MEIOC: variants seen among roughly 807,000 people sequenced by gnomAD.
MEIOC encodes meiosis specific with coiled-coil domain, also known as meiosis-specific coiled-coil domain-containing protein MEIOC.
In MEIOC, 9 loss-of-function variants were observed where a neutral mutation model predicts 85.3. The observed-to-expected ratio is 0.11, with a 90% CI of 0.06 to 0.18. The LOEUF is 0.18. Ranked by LOEUF, MEIOC falls within the 10% of genes least tolerant of loss-of-function variation. The pLI, the probability that MEIOC is intolerant of heterozygous loss-of-function variation, is 1.00. For missense variants in MEIOC, 898 were observed against 1,129.4 expected, an observed-to-expected ratio of 0.80 and a Z score of 2.94; for synonymous variants, 365 against 393.7, an observed-to-expected ratio of 0.93 and a Z score of 0.86.
rs1190093652 is a variant in MEIOC, at chr17:44,673,497, T to C, written c.2589T>C (p.Asn863=). The C allele has an allele frequency of 1.6e-5, 25 of 1,551,148 alleles. No homozygotes were observed. Among genetic ancestry groups the C allele is most frequent in the Non-Finnish European group, 8.7e-7 (1 of 1,146,944 alleles). The change falls in exon 7 of 8, where the codon AAT becomes AAC. Residue 863 remains asparagine, a synonymous_variant. Coordinates refer to ENST00000409122, the MANE Select transcript of MEIOC (RefSeq NM_001145080.3). The stretch of plus-strand genomic sequence containing the variant: ...CACGTAGAAAGGATGAAATTGTTAA[T>C]GCTTCCAATCGGCAAAGGCAAGGAG... ...VQSRRKDEIV[N]ASNRQRQGVP...
At chr17:44,673,747 T>G (rs1052232022) in intron 7 of MEIOC, 10 of 711,368 alleles carry the variant, frequency 1.4e-5, no homozygotes, top group Admixed American at 3.0e-5. Context: ...TTCAAGACAG[T>G]CTGTGTTCTA....
chr17:44,666,695 G>A lies in MEIOC; in HGVS notation c.784G>A (p.Glu262Lys). The A allele has an allele frequency of 6.2e-7, 1 of 1,612,608 alleles. No individual in the cohort carries two copies. The highest frequency in any genetic ancestry group is 8.5e-7 in the Non-Finnish European group (1 of 1,179,272). Residue 262 changes from glutamate (E) to lysine (K), a missense_variant, in exon 5 of 8, where the codon GAA becomes AAA. Transcript: ENST00000409122. ...TNDTAKTTFQ[E>K]YPLIKNCFTP... ...TGATACAGCTAAGACAACATTCCAA[G>A]AATATCCACTTATCAAAAACTGTTT...
intron 6 of MEIOC, chr17:44,669,906 G>T: frequency 6.1e-6 from 1 of 165,212 alleles, no homozygotes; most frequent in Non-Finnish European, 1.3e-5. Flanking sequence ...AGCTTTGAAG[G>T]GTTTTTAAAT....
At position 44,674,554 on chromosome 17, in the gene MEIOC, TTAAGTA is replaced by T. The variant is rs1471543285; in HGVS notation, c.*362_*367del. The T allele has an allele frequency of 1.1e-5, 11 of 1,013,274 alleles. No homozygotes were observed. The highest frequency in any genetic ancestry group is 1.1e-5 in the Non-Finnish European group (9 of 846,076). The allele number at this position is 1,013,274 out of a possible 1,614,324, so 62.8% of individuals were successfully genotyped here. On this transcript the variant is annotated 3_prime_UTR_variant, in exon 8 of 8. Coordinates refer to ENST00000409122, the MANE Select transcript of MEIOC (RefSeq NM_001145080.3). The stretch of plus-strand genomic sequence containing the variant: ...TAAATTTCATTTAGGTTTGTCTTAG[TTAAGTA>T]TAATTCCAAATAATGAATCTAAGTG...
rs372918454 is a variant in MEIOC, at chr17:44,668,163, C to T, written c.2252C>T (p.Ala751Val). 3 of 1,613,874 alleles carry T rather than the reference C, an allele frequency of 1.9e-6. No homozygotes were observed. The highest frequency in any genetic ancestry group is 1.6e-4 in the Middle Eastern group (1 of 6,062). ...QRPIKTRSGPASELHIRLEEC... is the reference protein window; with the variant it reads ...QRPIKTRSGPVSELHIRLEEC... ...CCAATTAAAACCCGTAGTGGACCAGCCAGTGAACTTCATATTCGTCTAGAA... is the reference window on the plus strand; with the variant it reads ...CCAATTAAAACCCGTAGTGGACCAGTCAGTGAACTTCATATTCGTCTAGAA... The change falls in exon 5 of 8, where the codon GCC (alanine) becomes GTC (valine). Residue 751 changes from alanine (A) to valine (V), a missense_variant. Transcript: ENST00000409122.
rs753844969 is a variant in MEIOC at position 44,668,177 on chromosome 17, A to G, written c.2266A>G (p.Ile756Val). ...TAGTGGACCAGCCAGTGAACTTCAT[A>G]TTCGTCTAGAAGAGTGCTGTGAACA... The part of the protein sequence containing the change: ...TRSGPASELH[I>V]RLEECCEQWR... The change falls in exon 5 of 8, where the codon ATT becomes GTT. Residue 756 changes from isoleucine to valine, a missense_variant. Coordinates refer to ENST00000409122, the MANE Select transcript of MEIOC (RefSeq NM_001145080.3). 1.1e-5 allele frequency: 17 copies of G among 1,613,832 alleles called. No homozygotes were observed. In the African/African-American group the frequency reaches 1.5e-4, roughly 14 times the overall value.
intron 7 of MEIOC, 102 bp from the exon 8 acceptor site, chr17:44,673,874 T>C (rs1288752494): frequency 7.4e-7 from 1 of 1,344,332 alleles, no homozygotes; most frequent in East Asian, 2.5e-5. Context: ...TTTACAAAAA[T>C]AACATTTGAT....
chr17:44,669,611 C>A (rs1342992948), intron 6 of MEIOC, 94 bp downstream of exon 6: 3 of 1,310,256 alleles, frequency 2.3e-6, no homozygotes, highest in Non-Finnish European at 3.2e-6. Context: ...TGTAATCCCA[C>A]CACTTTGGGA....
chr17:44,673,894 G>T, intron 7 of MEIOC, 82 bp from the exon 8 acceptor site: 1 of 1,449,778 alleles, frequency 6.9e-7, no homozygotes, highest in Non-Finnish European at 9.3e-7. Context: ...TCATTTAGTA[G>T]CAAAAGCACT....
chr17:44,657,385 T>C (rs1971778409), intron 2 of MEIOC, 124 bp downstream of exon 2: 11 of 883,420 alleles, frequency 1.2e-5, no homozygotes, highest in Non-Finnish European at 1.8e-5. Context: ...AAACTTTTTT[T>C]TTTTTTTTTT....
chr17:44,673,900 G>A, intron 7 of MEIOC, 76 bp from the exon 8 acceptor site: 2 of 1,475,526 alleles, frequency 1.4e-6, no homozygotes, highest in Admixed American at 2.2e-5. Context: ...AGTAGCAAAA[G>A]CACTGGGTTT....
At position 44,674,265 on chromosome 17, in the gene MEIOC, G is replaced by A. The variant is rs1972046932; in HGVS notation, c.*69G>A. 6.8e-7 allele frequency: 1 copy of A among 1,473,576 alleles called. No homozygotes were observed. The highest frequency in any genetic ancestry group is 1.4e-5 in the South Asian group (1 of 72,060). The allele number at this position is 1,473,576 out of a possible 1,614,324, so 91.3% of individuals were successfully genotyped here. On this transcript the variant is annotated 3_prime_UTR_variant, in exon 8 of 8. Coordinates refer to ENST00000409122, the MANE Select transcript of MEIOC (RefSeq NM_001145080.3). ...CAAGACATGCTAAAAATGTTTTAATGAACTTGTCAAACTTTCAGTATGTTT... is the reference window on the plus strand; with the variant it reads ...CAAGACATGCTAAAAATGTTTTAATAAACTTGTCAAACTTTCAGTATGTTT...
downstream of MEIOC, chr17:44,676,857 A>G (rs980019735): frequency 5.8e-5 from 39 of 667,826 alleles, no homozygotes; most frequent in Non-Finnish European, 6.8e-5. Context: ...TGCAATACTG[A>G]ACATTTTAGA....
chr17:44,667,297 A>T lies in MEIOC; in HGVS notation c.1386A>T (p.Ser462=), dbSNP rs778314231. Reference sequence around the variant, plus strand: ...ATTTTAAATCAGTGAATTTATTATCAAACTCAGCAACATCTTCAGGAGGTA... The same window carrying T: ...ATTTTAAATCAGTGAATTTATTATCTAACTCAGCAACATCTTCAGGAGGTA... ...SEYFKSVNLL[S]NSATSSGGIN... Residue 462 remains serine (S), a synonymous_variant, in exon 5 of 8, where the codon TCA becomes TCT. Coordinates refer to ENST00000409122, the MANE Select transcript of MEIOC (RefSeq NM_001145080.3). The T allele has an allele frequency of 9.9e-6, 16 of 1,613,672 alleles. No homozygotes were observed. Among genetic ancestry groups the T allele is most frequent in the Admixed American group, 1.7e-5 (1 of 59,996 alleles).
chr17:44,669,390 T>C lies in MEIOC; in HGVS notation c.2330T>C (p.Leu777Ser), dbSNP rs751226230. The change falls in exon 6 of 8, where the codon TTA becomes TCA. Residue 777 changes from leucine to serine, a missense_variant. Around this residue, in one of 2 missense-constraint regions of MEIOC, gnomAD observed 164 missense variants for 269.2 expected, o/e 0.61. Coordinates refer to ENST00000409122, the MANE Select transcript of MEIOC (RefSeq NM_001145080.3). ...GTATGTAATTTTTTACAGACTGAAT[T>C]AGCCCTTGCCAAGAATTATCCTGGA... is the stretch of plus-strand genomic sequence containing the variant. ...ALEKERKKTELALAKNYPGKK... is the reference protein window; with the variant it reads ...ALEKERKKTESALAKNYPGKK... 5 of 1,569,124 alleles carry C rather than the reference T, an allele frequency of 3.2e-6. No homozygotes were observed. The Admixed American group carries it at 9.3e-5, about 29-fold the overall frequency.
intron 3 of MEIOC, among the ~76,000 whole-genome samples, chr17:44,662,831 T>G (rs888424428): frequency 2.0e-4 from 31 of 152,148 alleles, no homozygotes; most frequent in African/African-American, 7.0e-4. Flanking sequence ...TTAAAAAAAT[T>G]TGTTGCCTTT....
At chr17:44,659,997 T>C (rs1971822436) in intron 2 of MEIOC, among the ~76,000 whole-genome samples, 1 of 152,126 alleles carries the variant, frequency 6.6e-6, no homozygotes, top group South Asian at 2.1e-4. Flanking sequence ...TTAAATAGAA[T>C]CATAACCAGA....
intron 6 of MEIOC, chr17:44,669,840 A>G: frequency 4.5e-6 from 1 of 223,626 alleles, no homozygotes; most frequent in Middle Eastern, 1.8e-3. Context: ...AGCCTGAGTG[A>G]CAGAGCGAGA....
At chr17:44,661,893 C>A (rs1971847639) in intron 2 of MEIOC, among the ~76,000 whole-genome samples, 1 of 152,084 alleles carries the variant, frequency 6.6e-6, no homozygotes, top group Non-Finnish European at 1.5e-5. Context: ...TTGCTAGTAT[C>A]CACATAATGC....
Sources: allele counts gnomAD v4.1 joint callset (sites outside exome capture counted in the v4.1 genomes callset), GRCh38; gene constraint gnomAD v4.1.1; regional missense constraint gnomAD v4.1.1; transcripts MANE v1.5; gene names NCBI Gene and HGNC (gene_info 2026-07-23, HGNC 2026-07-21).